The following GIN1 variants were observed in gnomAD, a reference collection of about 807,000 sequenced individuals.
The protein encoded by GIN1 is gypsy retrotransposon integrase 1, also known as gypsy retrotransposon integrase-like protein 1.
A neutral mutation model predicts 51.4 loss-of-function variants in GIN1; 41 were observed. That is an observed-to-expected ratio of 0.80 (90% confidence interval 0.62 to 1.04). The LOEUF (loss-of-function observed/expected upper bound fraction) is 1.04, where lower values mean the gene tolerates loss of function less well. Among genes scored for constraint, GIN1 ranks in the 50% least tolerant of loss-of-function variants. The pLI is 0.00. For synonymous variants in GIN1, 222 were observed against 206.5 expected, an observed-to-expected ratio of 1.07 and a Z score of -0.64; for missense variants, 610 against 612.4, an observed-to-expected ratio of 1.00 and a Z score of 0.04.
At chr5:103,092,585 G>C (rs1293357785) in intron 7 of GIN1, among the ~76,000 whole-genome samples, 18 of 152,214 alleles carry the variant, frequency 1.2e-4, no homozygotes, top group African/African-American at 4.3e-4. Flanking sequence ...ACTATAACTT[G>C]ATACTAAATC....
At chr5:103,109,116 A>G (rs937772553) in intron 1 of GIN1, among the ~76,000 whole-genome samples, 2 of 152,074 alleles carry the variant, frequency 1.3e-5, no homozygotes, top group Non-Finnish European at 2.9e-5. Context: ...TTATAAGAGA[A>G]GAAATATAGC....
intron 2 of GIN1, among the ~76,000 whole-genome samples, chr5:103,107,929 A>G (rs554244985): frequency 6.6e-6 from 1 of 152,220 alleles, no homozygotes; most frequent in Admixed American, 6.5e-5. Flanking sequence ...TTGTAACACA[A>G]ACATTCATTC....
intron 7 of GIN1, among the ~76,000 whole-genome samples, chr5:103,094,075 T>C (rs781925404): frequency 3.5e-4 from 54 of 152,312 alleles, no homozygotes; most frequent in Non-Finnish European, 5.1e-4. Context: ...CTTTTGGCTA[T>C]AGCATGTCAA....
chr5:103,118,714 G>A (rs563322696), intron 1 of GIN1, among the ~76,000 whole-genome samples: 1 of 91,388 alleles, frequency 1.1e-5, no homozygotes, highest in African/African-American at 3.2e-5. Flanking sequence ...GCTAATAATT[G>A]GTATTCATAT....
At chr5:103,099,096 A>G (rs893061368) in intron 4 of GIN1, among the ~76,000 whole-genome samples, 1 of 152,124 alleles carries the variant, frequency 6.6e-6, no homozygotes, top group African/African-American at 2.4e-5. Flanking sequence ...CAGAATAACT[A>G]AATAGGCAAA....
intron 6 of GIN1, 50 bp downstream of exon 6, chr5:103,097,264 A>AT (rs1562327853): frequency 8.9e-7 from 1 of 1,119,152 alleles, no homozygotes; most frequent in East Asian, 2.5e-5. Context: ...AAAAATAAAT[A>AT]TAACTTTTAT....
intron 1 of GIN1, among the ~76,000 whole-genome samples, chr5:103,112,766 T>C (rs1208334562): frequency 6.6e-6 from 1 of 152,176 alleles, no homozygotes; most frequent in African/African-American, 2.4e-5. Flanking sequence ...CTTTACCCTT[T>C]TTAATAGTTT....
At chr5:103,093,128 T>C (rs1030545308) in intron 7 of GIN1, among the ~76,000 whole-genome samples, 5 of 152,152 alleles carry the variant, frequency 3.3e-5, no homozygotes, top group Non-Finnish European at 7.4e-5. Flanking sequence ...GGCAGCATAA[T>C]AGGCCCCTAA....
intron 7 of GIN1, among the ~76,000 whole-genome samples, chr5:103,091,495 CTAAG>C (rs1236830224): frequency 6.6e-6 from 1 of 152,176 alleles, no homozygotes; most frequent in Non-Finnish European, 1.5e-5. Flanking sequence ...GTACATTTCA[CTAAG>C]TATTTATCTT....
chr5:103,118,937 G>T (rs932512732), intron 1 of GIN1, among the ~76,000 whole-genome samples: 45 of 152,006 alleles, frequency 3.0e-4, no homozygotes, highest in African/African-American at 1.0e-3. Flanking sequence ...ATATTTTCAA[G>T]AATTTCTCTT....
At chr5:103,111,941 C>T (rs1226593612) in intron 1 of GIN1, among the ~76,000 whole-genome samples, 9 of 152,032 alleles carry the variant, frequency 5.9e-5, no homozygotes, top group African/African-American at 9.7e-5. Context: ...AATAAATATA[C>T]AAAAACTTCT....
intron 7 of GIN1, 96 bp downstream of exon 7, chr5:103,096,445 G>T: frequency 1.1e-6 from 1 of 929,602 alleles, no homozygotes; most frequent in Non-Finnish European, 1.6e-6. Context: ...GAAGGGAAAA[G>T]AAAACCTAAC....
In GIN1 at chr5:103,087,799, A is replaced by AT. The variant is rs1787115361; in HGVS notation, c.*98dup. 2 of 569,144 alleles carry AT rather than the reference A, an allele frequency of 3.5e-6. No individual in the cohort carries two copies. Among genetic ancestry groups the AT allele is most frequent in the Non-Finnish European group, 6.1e-6 (2 of 327,422 alleles). 35.3% of individuals were successfully genotyped at this position (569,144 alleles called of 1,614,324 possible). On this transcript the variant is annotated 3_prime_UTR_variant, in exon 8 of 8. Coordinates refer to ENST00000399004, the MANE Select transcript of GIN1 (RefSeq NM_017676.2). ...AACCTTCAGAATATAGTCATTAAGA[A>AT]TGTGTCAAGATACTTCTTCTATACA...
At chr5:103,111,100 A>T (rs1333262837) in intron 1 of GIN1, among the ~76,000 whole-genome samples, 2 of 152,076 alleles carry the variant, frequency 1.3e-5, no homozygotes, top group Non-Finnish European at 2.9e-5. Flanking sequence ...TGTCGTTTCA[A>T]GTTGGGAATA....
chr5:103,098,896 T>C (rs1407663344), intron 4 of GIN1, among the ~76,000 whole-genome samples: 2 of 152,202 alleles, frequency 1.3e-5, no homozygotes, highest in African/African-American at 2.4e-5. Flanking sequence ...CTATTATTGG[T>C]GTTACTATAT....
intron 3 of GIN1, among the ~76,000 whole-genome samples, chr5:103,105,686 G>A (rs1302979908): frequency 6.6e-6 from 1 of 152,058 alleles, no homozygotes; most frequent in Non-Finnish European, 1.5e-5. Flanking sequence ...TGTATCTCTG[G>A]AATTCCACTC....
At position 103,097,454 on chromosome 5, in the gene GIN1, T is replaced by C. The variant is rs1554195240; in HGVS notation, c.868A>G (p.Ser290Gly). 3.8e-6 allele frequency: 6 copies of C among 1,575,490 alleles called. No individual in the cohort carries two copies. The highest frequency in any genetic ancestry group is 5.2e-6 in the Non-Finnish European group (6 of 1,149,048). ...TKNTPYFQMF[S>G]RNPYMPETSD... Reference sequence around the variant, plus strand: ...GTCTCAGGCATATAAGGATTTCGACTAAACATTTGAAAATATGGTGTATTT... The same window carrying C: ...GTCTCAGGCATATAAGGATTTCGACCAAACATTTGAAAATATGGTGTATTT... The change falls in exon 6 of 8, where the codon AGT becomes GGT. Residue 290 changes from serine to glycine, a missense_variant. Coordinates refer to ENST00000399004, the MANE Select transcript of GIN1 (RefSeq NM_017676.2).
intron 7 of GIN1, among the ~76,000 whole-genome samples, chr5:103,092,080 G>A (rs1787255700): frequency 6.6e-6 from 1 of 151,590 alleles, no homozygotes; most frequent in South Asian, 2.1e-4. Context: ...GTGCAGCGGT[G>A]CAATGTTGGC....
intron 1 of GIN1, among the ~76,000 whole-genome samples, chr5:103,117,270 G>A (rs1788058070): frequency 6.6e-6 from 1 of 152,012 alleles, no homozygotes; most frequent in Non-Finnish European, 1.5e-5. Context: ...TATGCTAAGT[G>A]AAATAAGCCA....
Sources: gnomAD v4.1 joint callset for allele counts (sites outside exome capture counted in the v4.1 genomes callset) on GRCh38, gnomAD v4.1.1 for gene constraint, MANE v1.5 for transcripts, NCBI Gene and HGNC (gene_info 2026-07-23, HGNC 2026-07-21) for gene names.